Variants in PLCG2 observed in about 807,000 individuals in gnomAD.
PLCG2 encodes the protein phospholipase C gamma 2.
PLCG2 carries 69 observed loss-of-function variants against 175.6 expected under a neutral mutation model. The observed-to-expected ratio is 0.39, with a 90% CI of 0.32 to 0.48. The LOEUF (loss-of-function observed/expected upper bound fraction) is 0.48, where lower values mean the gene tolerates loss of function less well. Among genes scored for constraint, PLCG2 ranks in the 20% least tolerant of loss-of-function variants. The pLI is 0.91. For synonymous variants in PLCG2, 827 were observed against 624.0 expected (o/e 1.33, Z -4.85); for missense variants, 1,798 against 1,650.9 (o/e 1.09, Z -1.54).
At chr16:81,786,294 C>A in intron 2 of PLCG2, 112 bp downstream of exon 2, 1 of 855,492 alleles carries the variant, frequency 1.2e-6, no homozygotes, top group South Asian at 1.8e-5. Flanking sequence ...TTGATGTGTT[C>A]TTTTATTCGT....
At chr16:81,795,489 C>G (rs1911426182) in intron 2 of PLCG2, among the ~76,000 whole-genome samples, 1 of 152,186 alleles carries the variant, frequency 6.6e-6, no homozygotes, top group African/African-American at 2.4e-5. Context: ...CTCACTCACT[C>G]AAATCATGAT....
At chr16:81,796,910 A>G (rs117268490) in intron 2 of PLCG2, among the ~76,000 whole-genome samples, 2,094 of 152,318 alleles carry the variant, frequency 0.014, 24 homozygotes, top group Non-Finnish European at 0.023. Flanking sequence ...CCTAACACAC[A>G]AATACACTCT....
intron 2 of PLCG2, among the ~76,000 whole-genome samples, chr16:81,756,888 G>C (rs1909940561): frequency 6.6e-6 from 1 of 152,114 alleles, no homozygotes; most frequent in Non-Finnish European, 1.5e-5. Context: ...CCACAGCCTG[G>C]GGCACAGGCC....
At chr16:81,827,959 G>A (rs552239163) in intron 2 of PLCG2, among the ~76,000 whole-genome samples, 15 of 151,694 alleles carry the variant, frequency 9.9e-5, no homozygotes, top group South Asian at 2.1e-4. Context: ...GCATGGTGGC[G>A]GATGCCTGTA....
At chr16:81,942,415 C>T (rs1390417064) in intron 30 of PLCG2, among the ~76,000 whole-genome samples, 1 of 152,214 alleles carries the variant, frequency 6.6e-6, no homozygotes, top group Non-Finnish European at 1.5e-5. Flanking sequence ...GGGACCTTTC[C>T]TCACTTCTTT....
At chr16:81,781,865 TCCCC>T (rs11355840) in intron 1 of PLCG2, among the ~76,000 whole-genome samples, 1 of 36,676 alleles carries the variant, frequency 2.7e-5, no homozygotes, top group Non-Finnish European at 5.2e-5. Flanking sequence ...TCATGTCCTT[TCCCC>T]CCCCCCCCCC....
chr16:81,962,150 C>A lies in PLCG2; in HGVS notation c.*4152C>A, dbSNP rs1405279170. 5.4e-6 allele frequency: 1 copy of A among 185,632 alleles called. No individual in the cohort carries two copies. Among genetic ancestry groups the A allele is most frequent in the East Asian group, 8.8e-5 (1 of 11,414 alleles). 11.5% of individuals were successfully genotyped at this position (185,632 alleles called of 1,614,324 possible). A position where few individuals can be genotyped will look rare whatever the true frequency, so the allele number is the denominator to read the frequency against. On this transcript the variant is annotated 3_prime_UTR_variant, in exon 33 of 33. Coordinates refer to ENST00000564138, the MANE Select transcript of PLCG2 (RefSeq NM_002661.5). Reference sequence around the variant, plus strand: ...AGCTGCGCTCCCCTGCTGGAACCTCCAAACAAGCTCTCAAGATTGCTGATC... The same window carrying A: ...AGCTGCGCTCCCCTGCTGGAACCTCAAAACAAGCTCTCAAGATTGCTGATC...
intron 2 of PLCG2, among the ~76,000 whole-genome samples, chr16:81,807,932 G>T (rs951274270): frequency 2.0e-5 from 3 of 152,204 alleles, no homozygotes; most frequent in Admixed American, 1.3e-4. Flanking sequence ...AAGAGATGGT[G>T]CAAAACCGTT....
At chr16:81,768,779 C>G (rs1910210506) in intron 2 of PLCG2, among the ~76,000 whole-genome samples, 1 of 152,062 alleles carries the variant, frequency 6.6e-6, no homozygotes, top group African/African-American at 2.4e-5. Context: ...GTTGGCCACG[C>G]TGGTCTCCAG....
intron 2 of PLCG2, among the ~76,000 whole-genome samples, chr16:81,772,786 G>A (rs964729530): frequency 1.3e-5 from 2 of 151,620 alleles, no homozygotes; most frequent in African/African-American, 2.4e-5. Flanking sequence ...TCCAGCCTGG[G>A]CAATAGAGTG....
chr16:81,957,519 G>A (rs190251941), intron 32 of PLCG2, among the ~76,000 whole-genome samples: 2 of 152,152 alleles, frequency 1.3e-5, no homozygotes, highest in Admixed American at 6.5e-5. Context: ...CTAGTCCAGC[G>A]GCTCTAGACT....
rs1465409545 is a variant in PLCG2 at position 81,957,012 on chromosome 16, TCACA to T, written c.3755+134_3755+137del. The T allele has an allele frequency of 1.2e-4, 68 of 563,444 alleles. No individual in the cohort carries two copies. In the African/African-American group the frequency reaches 1.4e-3, roughly 11 times the overall value. The allele number at this position is 563,444 out of a possible 1,614,324, so 34.9% of individuals were successfully genotyped here. ...GAAATCCTTGGCCGGGCATGGTGGCTCACAGGCCAGGCATGGTGGCTCATGCCTG... is the reference window on the plus strand; with the variant it reads ...GAAATCCTTGGCCGGGCATGGTGGCTGGCCAGGCATGGTGGCTCATGCCTG... On this transcript the variant is annotated intron_variant, in intron 32 of 32. Transcript: ENST00000564138.
At chr16:81,829,324 G>A (rs1905168747) in intron 2 of PLCG2, among the ~76,000 whole-genome samples, 1 of 152,140 alleles carries the variant, frequency 6.6e-6, no homozygotes, top group African/African-American at 2.4e-5. Flanking sequence ...GGTCAGGCTG[G>A]CCTTGAACTC....
intron 7 of PLCG2, among the ~76,000 whole-genome samples, chr16:81,877,174 G>T (rs542416532): frequency 6.6e-6 from 1 of 152,254 alleles, no homozygotes; most frequent in African/African-American, 2.4e-5. Flanking sequence ...TAACAGAAGT[G>T]TCGGGCACGG....
chr16:81,890,845 T>C (rs920731173), intron 10 of PLCG2, among the ~76,000 whole-genome samples: 1 of 152,176 alleles, frequency 6.6e-6, no homozygotes, highest in African/African-American at 2.4e-5. Flanking sequence ...TTCACAAATA[T>C]TCATGCTACT....
intron 1 of PLCG2, among the ~76,000 whole-genome samples, chr16:81,751,966 G>A (rs906855968): frequency 6.6e-6 from 1 of 152,002 alleles, no homozygotes; most frequent in Admixed American, 6.6e-5. Flanking sequence ...AGGTTGCAGT[G>A]AGCCGAGATT....
intron 13 of PLCG2, among the ~76,000 whole-genome samples, chr16:81,900,296 T>C (rs1381299877): frequency 6.6e-6 from 1 of 152,206 alleles, no homozygotes; most frequent in African/African-American, 2.4e-5. Flanking sequence ...TCTGTAGGTT[T>C]GAACTTGAAA....
chr16:81,926,117 G>A (rs966432848), intron 22 of PLCG2, among the ~76,000 whole-genome samples: 1 of 152,170 alleles, frequency 6.6e-6, no homozygotes. Flanking sequence ...CAAGGGCATG[G>A]GCCAAGGCAT....
At chr16:81,770,348 A>C (rs1222249081) in intron 2 of PLCG2, among the ~76,000 whole-genome samples, 1 of 152,242 alleles carries the variant, frequency 6.6e-6, no homozygotes, top group Non-Finnish European at 1.5e-5. Flanking sequence ...ATGCATAGTA[A>C]AGAATATTTA....
Sources: gnomAD v4.1 joint callset for allele counts (sites outside exome capture counted in the v4.1 genomes callset) on GRCh38, gnomAD v4.1.1 for gene constraint, MANE v1.5 for transcripts, NCBI Gene and HGNC (gene_info 2026-07-23, HGNC 2026-07-21) for gene names.